The following FGF1 variants were observed in gnomAD, a reference collection of about 807,000 sequenced individuals.
FGF1 encodes fibroblast growth factor 1.
A neutral mutation model predicts 13.4 loss-of-function variants in FGF1; 9 were observed. The observed-to-expected ratio is 0.67, with a 90% CI of 0.40 to 1.17. The LOEUF (loss-of-function observed/expected upper bound fraction) is 1.17. FGF1 is among the 50% of genes most tolerant of loss of function. The pLI, the probability that FGF1 is intolerant of heterozygous loss-of-function variation, is 0.01. For missense variants in FGF1, 156 were observed against 192.7 expected, an observed-to-expected ratio of 0.81 and a Z score of 1.13; for synonymous variants, 93 against 79.0, an observed-to-expected ratio of 1.18 and a Z score of -0.94.
At chr5:142,685,231 G>C (rs761526140) in intron 1 of FGF1, among the ~76,000 whole-genome samples, 7 of 152,106 alleles carry the variant, frequency 4.6e-5, no homozygotes, top group Non-Finnish European at 8.8e-5. Context: ...CCATCGGAGG[G>C]GTACTGAAAC....
intron 2 of FGF1, among the ~76,000 whole-genome samples, chr5:142,610,547 A>G (rs1465771240): frequency 6.6e-6 from 1 of 152,120 alleles, no homozygotes; most frequent in Non-Finnish European, 1.5e-5. Context: ...GACACCACTT[A>G]TGTGTCCCCC....
intron 1 of FGF1, among the ~76,000 whole-genome samples, chr5:142,652,950 C>G (rs1232457503): frequency 8.5e-5 from 13 of 152,238 alleles, no homozygotes; most frequent in Non-Finnish European, 1.5e-5. Context: ...TTCAGTGTCA[C>G]TTTCCATTTA....
intron 1 of FGF1, chr5:142,644,274 T>C (rs1420834941): frequency 6.6e-6 from 1 of 152,268 alleles, no homozygotes; most frequent in Non-Finnish European, 1.5e-5. Flanking sequence ...TTGTTTTCTC[T>C]GACTCAGAAT....
chr5:142,606,621 CAAGAA>C (rs554049349), intron 2 of FGF1, among the ~76,000 whole-genome samples: 43 of 151,940 alleles, frequency 2.8e-4, no homozygotes, highest in African/African-American at 8.7e-4. Context: ...GATTCCATCT[CAAGAA>C]AAGAAAAGAA....
chr5:142,609,065 G>A (rs1758477470), intron 2 of FGF1, among the ~76,000 whole-genome samples: 1 of 152,012 alleles, frequency 6.6e-6, no homozygotes, highest in Admixed American at 6.6e-5. Flanking sequence ...TTAACTGCTA[G>A]GTGCTGAGTG....
chr5:142,668,531 G>C (rs1770872087), intron 1 of FGF1, among the ~76,000 whole-genome samples: 1 of 152,154 alleles, frequency 6.6e-6, no homozygotes, highest in African/African-American at 2.4e-5. Flanking sequence ...GACACAGTTA[G>C]GTAATAAAGG....
At chr5:142,641,305 AT>A in intron 1 of FGF1, among the ~76,000 whole-genome samples, 1 of 152,076 alleles carries the variant, frequency 6.6e-6, no homozygotes, top group Non-Finnish European at 1.5e-5. Flanking sequence ...TTGATCTGAG[AT>A]TTCTGCTGTC....
chr5:142,684,838 C>T (rs577212924), intron 1 of FGF1, among the ~76,000 whole-genome samples: 2 of 151,988 alleles, frequency 1.3e-5, no homozygotes, highest in South Asian at 2.1e-4. Context: ...CCGGGATGCT[C>T]AAGTCCTCCC....
At chr5:142,663,633 CA>C (rs1769723136) in intron 1 of FGF1, among the ~76,000 whole-genome samples, 1 of 152,210 alleles carries the variant, frequency 6.6e-6, no homozygotes. Flanking sequence ...ACACAGCCCA[CA>C]GCGGAGGAGG....
rs1262536585 is a variant in FGF1 at position 142,661,748 on chromosome 5, T to TGTA, written c.-35+24208_-35+24209insTAC. Among the ~76,000 whole-genome samples the TGTA allele has an allele frequency of 1.2e-4, 18 of 152,124 alleles. 1 individual carries two copies. Among genetic ancestry groups the TGTA allele is most frequent in the African/African-American group, 4.1e-4 (17 of 41,438 alleles). ...ATATTGGCCGGGCGCGGTGGCTCAC[T>TGTA]ATCCCAGCACTTTGGGAGGCCAAGG... On this transcript the variant is annotated intron_variant, in intron 1 of 3. Transcript: ENST00000337706.
chr5:142,615,281 G>A (rs1236283121), intron 1 of FGF1, among the ~76,000 whole-genome samples: 2 of 151,980 alleles, frequency 1.3e-5, no homozygotes, highest in Non-Finnish European at 2.9e-5. Flanking sequence ...GCAGTAGCAC[G>A]ATCTCAGCTC....
At chr5:142,683,422 T>G (rs896470967) in intron 1 of FGF1, among the ~76,000 whole-genome samples, 5 of 152,170 alleles carry the variant, frequency 3.3e-5, no homozygotes, top group African/African-American at 1.2e-4. Flanking sequence ...ATTGATAATG[T>G]TTACTACACA....
upstream of FGF1, among the ~76,000 whole-genome samples, chr5:142,687,574 A>T (rs560431141): frequency 6.6e-6 from 1 of 152,346 alleles, no homozygotes; most frequent in African/African-American, 2.4e-5. Flanking sequence ...CTTCCTGAGT[A>T]TCTGCAAGTT....
chr5:142,679,999 G>C (rs1040408400), intron 1 of FGF1: 1 of 152,236 alleles, frequency 6.6e-6, no homozygotes, highest in Non-Finnish European at 1.5e-5. Flanking sequence ...AGAAGGACTT[G>C]TTCCAAGCCT....
At chr5:142,693,173 C>G (rs1426534947) in intron 2 of FGF1, among the ~76,000 whole-genome samples, 1 of 152,134 alleles carries the variant, frequency 6.6e-6, no homozygotes, top group Non-Finnish European at 1.5e-5. Context: ...TGGCCAGGCT[C>G]TATGGGACAA....
intron 1 of FGF1, among the ~76,000 whole-genome samples, chr5:142,665,839 G>T (rs1770203269): frequency 6.6e-6 from 1 of 152,162 alleles, no homozygotes; most frequent in South Asian, 2.1e-4. Flanking sequence ...GGAGGCTGGA[G>T]AGGCCCACAG....
upstream of FGF1, chr5:142,698,062 CT>C (rs143532003): frequency 0.014 from 2,169 of 152,308 alleles, 15 homozygotes; most frequent in Non-Finnish European, 0.023. Flanking sequence ...ATTTCTCCCC[CT>C]CTCATGTGAT....
chr5:142,612,400 C>G (rs766012556), intron 2 of FGF1, among the ~76,000 whole-genome samples: 1 of 152,142 alleles, frequency 6.6e-6, no homozygotes, highest in Non-Finnish European at 1.5e-5. Flanking sequence ...TTTGTCTTTC[C>G]TCTTGGGTTC....
intron 1 of FGF1, among the ~76,000 whole-genome samples, chr5:142,644,531 G>T (rs942733836): frequency 2.6e-5 from 4 of 152,064 alleles, no homozygotes; most frequent in African/African-American, 9.7e-5. Context: ...GCAACCCCAG[G>T]TTCTCTGAAC....
Sources: gnomAD v4.1 joint callset for allele counts (sites outside exome capture counted in the v4.1 genomes callset) on GRCh38, gnomAD v4.1.1 for gene constraint, MANE v1.5 for transcripts, NCBI Gene and HGNC (gene_info 2026-07-23, HGNC 2026-07-21) for gene names.